RAPGEF4: variants seen among roughly 807,000 people sequenced by gnomAD.
RAPGEF4 encodes Rap guanine nucleotide exchange factor 4, also known as RAP guanine-nucleotide-exchange factor (GEF) 4.
A neutral mutation model predicts 147.9 loss-of-function variants in RAPGEF4; 66 were observed. The ratio of observed to expected loss-of-function variants is 0.45; its 90% CI spans 0.37 to 0.55. The LOEUF is 0.55. Among genes scored for constraint, RAPGEF4 ranks in the 20% least tolerant of loss-of-function variants. The pLI is 0.00. For synonymous variants in RAPGEF4, 419 were observed against 442.7 expected (o/e 0.95, Z 0.67); for missense variants, 1,071 against 1,257.3 (o/e 0.85, Z 2.24).
chr2:173,022,349 C>T lies in RAPGEF4; in HGVS notation c.2253+1634C>T, dbSNP rs150498688. 1.6e-3 allele frequency among the ~76,000 whole-genome samples: 238 copies of T among 152,318 alleles called. 2 individuals are homozygous for T. Among genetic ancestry groups the T allele is most frequent in the African/African-American group, 5.2e-3 (218 of 41,574 alleles). On this transcript the variant is annotated intron_variant, in intron 23 of 30. Coordinates refer to ENST00000397081, the MANE Select transcript of RAPGEF4 (RefSeq NM_007023.4). The stretch of plus-strand genomic sequence containing the variant: ...TCGTCCTCTGTTTTAAGGCCTCTGT[C>T]GTTGGAAGGAATGTCCTCTGCATTG...
intron 6 of RAPGEF4, among the ~76,000 whole-genome samples, chr2:172,951,432 C>A (rs1262989519): frequency 6.6e-6 from 1 of 152,114 alleles, no homozygotes; most frequent in Non-Finnish European, 1.5e-5. Context: ...GAACAGTGAG[C>A]AAAACAAGGT....
chr2:172,960,560 T>C (rs1370828542), intron 6 of RAPGEF4, among the ~76,000 whole-genome samples, 200 bp from the exon 7 acceptor site: 3 of 152,224 alleles, frequency 2.0e-5, no homozygotes, highest in African/African-American at 7.2e-5. Context: ...TATATTTAAA[T>C]GTTGGCAAAT....
At chr2:172,800,667 G>C (rs1227445964) in intron 3 of RAPGEF4, among the ~76,000 whole-genome samples, 3 of 152,172 alleles carry the variant, frequency 2.0e-5, no homozygotes, top group Non-Finnish European at 2.9e-5. Context: ...TGGAGATTCA[G>C]GTAAGAGTTA....
At chr2:172,913,383 A>T (rs1683667063) in intron 4 of RAPGEF4, among the ~76,000 whole-genome samples, 1 of 152,218 alleles carries the variant, frequency 6.6e-6, no homozygotes, top group South Asian at 2.1e-4. Flanking sequence ...CCATCACTTC[A>T]TTATGCTCAC....
intron 6 of RAPGEF4, among the ~76,000 whole-genome samples, chr2:172,929,598 T>G (rs913329817): frequency 2.0e-5 from 3 of 152,224 alleles, no homozygotes; most frequent in African/African-American, 7.2e-5. Context: ...TTAGTTTTCT[T>G]TTCTATTTCC....
intron 3 of RAPGEF4, among the ~76,000 whole-genome samples, chr2:172,806,781 A>G (rs1266973067): frequency 6.6e-6 from 1 of 152,218 alleles, no homozygotes; most frequent in Non-Finnish European, 1.5e-5. Flanking sequence ...ATTTTAGCTC[A>G]ATTTCAGAAA....
chr2:172,900,183 C>A (rs1195666313), intron 4 of RAPGEF4, among the ~76,000 whole-genome samples: 1 of 152,208 alleles, frequency 6.6e-6, no homozygotes, highest in East Asian at 1.9e-4. Context: ...TAAGAGCAAC[C>A]ATTTAAAGCT....
At chr2:172,811,118 C>G (rs534236312) in intron 3 of RAPGEF4, among the ~76,000 whole-genome samples, 20 of 152,338 alleles carry the variant, frequency 1.3e-4, no homozygotes, top group Middle Eastern at 6.8e-3. Context: ...TCTTCCCACT[C>G]TCATGTCCTA....
intron 23 of RAPGEF4, among the ~76,000 whole-genome samples, chr2:173,022,119 C>A (rs1213772566): frequency 2.0e-5 from 3 of 152,236 alleles, no homozygotes; most frequent in Non-Finnish European, 4.4e-5. Flanking sequence ...TTCAGCGCAG[C>A]CCCATTAAAG....
intron 1 of RAPGEF4, among the ~76,000 whole-genome samples, chr2:172,739,755 G>A (rs948163481): frequency 6.6e-6 from 1 of 152,174 alleles, no homozygotes; most frequent in Non-Finnish European, 1.5e-5. Flanking sequence ...ATAAGTCCTA[G>A]TTCTCAGGGT....
At chr2:172,978,149 A>G (rs951141178) in intron 10 of RAPGEF4, among the ~76,000 whole-genome samples, 3 of 152,064 alleles carry the variant, frequency 2.0e-5, no homozygotes, top group African/African-American at 7.2e-5. Context: ...AAAGACCAGG[A>G]GGTAAAGCAG....
intron 11 of RAPGEF4, 129 bp from the exon 12 acceptor site, chr2:172,985,304 A>C: frequency 4.0e-6 from 5 of 1,247,850 alleles, no homozygotes; most frequent in Non-Finnish European, 4.6e-6. Flanking sequence ...AGCAGCAGCA[A>C]GAGAGGTGAG....
chr2:173,019,115 T>C (rs1277586305), intron 22 of RAPGEF4, among the ~76,000 whole-genome samples: 2 of 152,184 alleles, frequency 1.3e-5, no homozygotes, highest in Admixed American at 1.3e-4. Flanking sequence ...CTGAAAAATA[T>C]GGGCCCCAAG....
At position 173,023,069 on chromosome 2, in the gene RAPGEF4, C is replaced by T. The variant is rs116212232; in HGVS notation, c.2253+2354C>T. 5.3e-3 allele frequency among the ~76,000 whole-genome samples: 810 copies of T among 152,242 alleles called. 3 individuals carry two copies. Among genetic ancestry groups the T allele is most frequent in the African/African-American group, 0.018 (736 of 41,520 alleles). ...AGCAAACAGTGTAGTGAGGCACCCC[C>T]GCATGTGACCAGTGAGAATGCAGTG... On this transcript the variant is annotated intron_variant, in intron 23 of 30. Transcript: ENST00000397081.
intron 21 of RAPGEF4, among the ~76,000 whole-genome samples, 193 bp from the exon 22 acceptor site, chr2:173,018,463 C>G (rs1695710188): frequency 6.6e-6 from 1 of 152,122 alleles, no homozygotes; most frequent in Non-Finnish European, 1.5e-5. Context: ...CATATGTGCA[C>G]CTATTCTTAG....
At chr2:172,854,423 T>C (rs1693187897) in intron 4 of RAPGEF4, among the ~76,000 whole-genome samples, 1 of 151,998 alleles carries the variant, frequency 6.6e-6, no homozygotes, top group Non-Finnish European at 1.5e-5. Context: ...TCTGTTTTCA[T>C]GGTGTATATT....
intron 17 of RAPGEF4, among the ~76,000 whole-genome samples, chr2:173,004,434 C>A (rs10930573): frequency 0.35 from 53,388 of 151,968 alleles, 10,414 homozygotes; most frequent in East Asian, 0.79. Context: ...AAAATTAAAA[C>A]CACCTGTATA....
At chr2:172,870,838 G>A (rs1379335084) in intron 4 of RAPGEF4, among the ~76,000 whole-genome samples, 1 of 152,152 alleles carries the variant, frequency 6.6e-6, no homozygotes, top group Non-Finnish European at 1.5e-5. Flanking sequence ...ACTAAATACA[G>A]ACTATGGATT....
chr2:172,793,888 C>A (rs914504279), intron 1 of RAPGEF4, among the ~76,000 whole-genome samples: 2 of 152,104 alleles, frequency 1.3e-5, no homozygotes, highest in African/African-American at 2.4e-5. Flanking sequence ...GTAATCCTAG[C>A]ACTTTGGGAG....
Sources: allele counts gnomAD v4.1 joint callset (sites outside exome capture counted in the v4.1 genomes callset), GRCh38; gene constraint gnomAD v4.1.1; transcripts MANE v1.5; gene names NCBI Gene and HGNC (gene_info 2026-07-23, HGNC 2026-07-21).